Variants in ATRNL1 observed in about 807,000 individuals in gnomAD.
The protein encoded by ATRNL1 is attractin like 1.
A neutral mutation model predicts 182.7 loss-of-function variants in ATRNL1; 95 were observed. The ratio of observed to expected loss-of-function variants is 0.52; its 90% CI spans 0.44 to 0.62. The LOEUF (loss-of-function observed/expected upper bound fraction) is 0.62, where lower values mean the gene tolerates loss of function less well. Among genes scored for constraint, ATRNL1 ranks in the 20% least tolerant of loss-of-function variants. The pLI is 0.00. For missense variants in ATRNL1, 1,471 were observed against 1,679.5 expected (o/e 0.88, Z 2.17); for synonymous variants, 576 against 568.3 (o/e 1.01, Z -0.19).
chr10:115,710,131 G>T (rs1163771085), intron 26 of ATRNL1, among the ~76,000 whole-genome samples: 1 of 119,244 alleles, frequency 8.4e-6, no homozygotes, highest in Non-Finnish European at 1.8e-5. Flanking sequence ...TTATCCTATA[G>T]TAAAAAAAAA....
At chr10:115,310,751 T>C (rs1163445458) in intron 17 of ATRNL1, among the ~76,000 whole-genome samples, 6 of 152,198 alleles carry the variant, frequency 3.9e-5, no homozygotes, top group Admixed American at 3.9e-4. Flanking sequence ...TCTATCAATT[T>C]TATCTTTTCA....
At chr10:115,747,024 G>C in intron 27 of ATRNL1, among the ~76,000 whole-genome samples, 1 of 151,996 alleles carries the variant, frequency 6.6e-6, no homozygotes, top group East Asian at 1.9e-4. Context: ...ATAACATTAA[G>C]ATAACGCTGT....
chr10:115,688,330 A>G (rs1183526456), intron 26 of ATRNL1, among the ~76,000 whole-genome samples: 1 of 152,286 alleles, frequency 6.6e-6, no homozygotes, highest in East Asian at 1.9e-4. Flanking sequence ...ATAGATACCC[A>G]GTAGTGGAAT....
intron 13 of ATRNL1, among the ~76,000 whole-genome samples, chr10:115,272,835 A>G (rs748270912): frequency 3.3e-5 from 5 of 152,204 alleles, no homozygotes; most frequent in Middle Eastern, 3.2e-3. Flanking sequence ...ACCAGTGAGC[A>G]TAGGCCCATT....
At chr10:115,674,433 C>G (rs1945796942) in intron 26 of ATRNL1, among the ~76,000 whole-genome samples, 1 of 152,064 alleles carries the variant, frequency 6.6e-6, no homozygotes, top group Admixed American at 6.6e-5. Flanking sequence ...AGTTATTTTA[C>G]TACCTGGCCT....
chr10:115,750,898 T>C (rs1948429981), intron 27 of ATRNL1, among the ~76,000 whole-genome samples: 1 of 152,020 alleles, frequency 6.6e-6, no homozygotes, highest in Non-Finnish European at 1.5e-5. Context: ...TTGAAATCAC[T>C]GAAATTACTA....
intron 1 of ATRNL1, among the ~76,000 whole-genome samples, chr10:115,100,854 T>C (rs1314835269): frequency 1.3e-5 from 2 of 152,202 alleles, no homozygotes; most frequent in Non-Finnish European, 2.9e-5. Context: ...CAGTTTTGAG[T>C]TTCCTACATG....
chr10:115,633,836 T>C (rs1319588085), intron 26 of ATRNL1, among the ~76,000 whole-genome samples: 2 of 152,188 alleles, frequency 1.3e-5, no homozygotes, highest in Non-Finnish European at 2.9e-5. Flanking sequence ...ACCAGTGATT[T>C]CTTGGAAAGT....
chr10:115,801,754 G>A (rs782451782), intron 27 of ATRNL1, among the ~76,000 whole-genome samples: 2 of 151,848 alleles, frequency 1.3e-5, no homozygotes, highest in East Asian at 1.9e-4. Context: ...CTCTTGCCTT[G>A]GAAGATAAAA....
intron 8 of ATRNL1, among the ~76,000 whole-genome samples, chr10:115,215,165 C>T (rs577313390): frequency 2.3e-4 from 35 of 152,154 alleles, no homozygotes; most frequent in African/African-American, 6.7e-4. Flanking sequence ...AATTGTCAAG[C>T]GAGTCTTGGA....
intron 27 of ATRNL1, among the ~76,000 whole-genome samples, chr10:115,745,270 A>G (rs946952151): frequency 1.5e-4 from 23 of 152,060 alleles, no homozygotes; most frequent in Admixed American, 5.2e-4. Context: ...ACTTAGCACA[A>G]TACTTTCAAT....
chr10:115,924,150 C>A (rs1555119370), intron 28 of ATRNL1, among the ~76,000 whole-genome samples: 2 of 151,942 alleles, frequency 1.3e-5, no homozygotes, highest in East Asian at 1.9e-4. Flanking sequence ...GGATATTAGA[C>A]CTTTGTCAGA....
intron 26 of ATRNL1, among the ~76,000 whole-genome samples, chr10:115,711,374 G>C (rs1394809398): frequency 6.6e-6 from 1 of 152,184 alleles, no homozygotes; most frequent in Non-Finnish European, 1.5e-5. Context: ...AAAAGGAAGA[G>C]AGGCAGATTC....
At chr10:115,493,216 G>A (rs1849393844) in intron 24 of ATRNL1, among the ~76,000 whole-genome samples, 1 of 152,000 alleles carries the variant, frequency 6.6e-6, no homozygotes, top group Non-Finnish European at 1.5e-5. Context: ...TCATTGCCCA[G>A]GTAATGAGCA....
intron 5 of ATRNL1, among the ~76,000 whole-genome samples, chr10:115,138,933 C>G (rs1308412742): frequency 6.6e-6 from 1 of 152,148 alleles, no homozygotes; most frequent in Non-Finnish European, 1.5e-5. Flanking sequence ...TAACAGAATC[C>G]AAGTCATATC....
At chr10:115,769,028 G>C (rs2134162318) in intron 27 of ATRNL1, among the ~76,000 whole-genome samples, 1 of 152,124 alleles carries the variant, frequency 6.6e-6, no homozygotes, top group South Asian at 2.1e-4. Context: ...TTAATAACTT[G>C]TCTTCATTAA....
chr10:115,776,926 G>C (rs1428197635), intron 27 of ATRNL1, among the ~76,000 whole-genome samples: 1 of 152,140 alleles, frequency 6.6e-6, no homozygotes, highest in African/African-American at 2.4e-5. Flanking sequence ...GGAGGCTGAG[G>C]CAGGCAGATC....
intron 1 of ATRNL1, among the ~76,000 whole-genome samples, chr10:115,094,385 T>G (rs932456568): frequency 2.0e-5 from 3 of 152,348 alleles, no homozygotes; most frequent in Non-Finnish European, 4.4e-5. Context: ...CTTGGGATAA[T>G]ATTTAAAAAT....
intron 26 of ATRNL1, among the ~76,000 whole-genome samples, chr10:115,605,724 C>T (rs1251145889): frequency 1.3e-5 from 2 of 151,628 alleles, no homozygotes; most frequent in East Asian, 1.9e-4. Context: ...AGAAATGCAT[C>T]GAAAAAATAT....
Sources: gnomAD v4.1 joint callset for allele counts (sites outside exome capture counted in the v4.1 genomes callset) on GRCh38, gnomAD v4.1.1 for gene constraint, MANE v1.5 for transcripts, NCBI Gene and HGNC (gene_info 2026-07-23, HGNC 2026-07-21) for gene names.